Variants in TM9SF3 observed in about 807,000 individuals in gnomAD.
TM9SF3 encodes the protein transmembrane 9 superfamily member 3.
In TM9SF3, 14 loss-of-function variants were observed where a neutral mutation model predicts 78.6. The observed-to-expected ratio is 0.18, with a 90% confidence interval of 0.12 to 0.28. The LOEUF (loss-of-function observed/expected upper bound fraction) is 0.28, where lower values mean the gene tolerates loss of function less well. Among genes scored for constraint, TM9SF3 ranks in the 10% least tolerant of loss-of-function variants. The probability of loss-of-function intolerance (pLI) is 1.00; values close to 1 mark genes in which losing one functional copy is unlikely to be tolerated. For synonymous variants in TM9SF3, 231 were observed against 241.7 expected, an observed-to-expected ratio of 0.96 and a Z score of 0.41; for missense variants, 496 against 721.9, an observed-to-expected ratio of 0.69 and a Z score of 3.59.
chr10:96,534,695 C>T (rs1469373963), intron 9 of TM9SF3, among the ~76,000 whole-genome samples: 1 of 152,158 alleles, frequency 6.6e-6, no homozygotes, highest in Non-Finnish European at 1.5e-5. Context: ...TACTGAAGAG[C>T]TTCTGGGATT....
Position 96,544,070 on chromosome 10 carries a change from A to AC in TM9SF3, c.1185+5dup. 5.6e-6 allele frequency: 9 copies of AC among 1,602,662 alleles called. No individual in the cohort carries two copies. Among genetic ancestry groups the AC allele is most frequent in the Non-Finnish European group, 7.6e-6 (9 of 1,176,590 alleles). On this transcript the variant is annotated splice_donor_region_variant and intron_variant, in intron 9 of 14. Transcript: ENST00000371142. ...TCAGTTTAAAAGTAAGATTCAAGCA[A>AC]CTCACCATTGTTCCAAAAGGAATGG...
intron 9 of TM9SF3, among the ~76,000 whole-genome samples, chr10:96,538,118 T>C (rs1429129431): frequency 2.0e-5 from 3 of 152,176 alleles, no homozygotes; most frequent in Admixed American, 6.5e-5. Context: ...TCAGGACTTA[T>C]AAAGCTATAG....
chr10:96,544,278 A>G (rs1263647926), intron 8 of TM9SF3, 72 bp from the exon 9 acceptor site: 16 of 1,305,164 alleles, frequency 1.2e-5, no homozygotes. Flanking sequence ...AAATTTTAAT[A>G]TAAAGATCAT....
In TM9SF3 at chr10:96,547,994, A is replaced by G; in HGVS notation, c.960-5T>C. The G allele has an allele frequency of 6.3e-7, 1 of 1,578,812 alleles. No individual in the cohort carries two copies. The highest frequency in any genetic ancestry group is 1.2e-5 in the South Asian group (1 of 83,726). ...GTACTGAGCATTGATCCCCTCCTAAAAAGGCAAAAAAGAAAAAAAAAATTA... is the reference window on the plus strand; with the variant it reads ...GTACTGAGCATTGATCCCCTCCTAAGAAGGCAAAAAAGAAAAAAAAAATTA... On this transcript the variant is annotated splice_region_variant and splice_polypyrimidine_tract_variant and intron_variant, in intron 7 of 14. Coordinates refer to ENST00000371142, the MANE Select transcript of TM9SF3 (RefSeq NM_020123.4).
chr10:96,559,600 A>G, intron 5 of TM9SF3, 59 bp downstream of exon 5: 1 of 1,220,988 alleles, frequency 8.2e-7, no homozygotes. Context: ...CAGATACTCA[A>G]TGTTTGTTGA....
At chr10:96,540,764 CCTTT>C (rs1848017778) in intron 9 of TM9SF3, among the ~76,000 whole-genome samples, 2 of 125,138 alleles carry the variant, frequency 1.6e-5, no homozygotes, top group African/African-American at 3.1e-5. Flanking sequence ...TTTTATATTA[CCTTT>C]CTTTTTTTTT....
chr10:96,543,216 T>C (rs1421387023), intron 9 of TM9SF3, among the ~76,000 whole-genome samples: 1 of 152,234 alleles, frequency 6.6e-6, no homozygotes, highest in Non-Finnish European at 1.5e-5. Context: ...ACTCATTTTA[T>C]GTGTTCTAGT....
chr10:96,530,551 G>T lies in TM9SF3; in HGVS notation c.1383C>A (p.Ile461=), dbSNP rs1408286988. Reference sequence around the variant, plus strand: ...TTATCAAAACTTACATTTCAATAAAGATTGAACCAAAAGGTAAAATTCCAC... The same window carrying T: ...TTATCAAAACTTACATTTCAATAAATATTGAACCAAAAGGTAAAATTCCAC... ...CLGGILPFGS[I]FIEMYFIFTS... is the part of the protein sequence containing the mutation. Residue 461 remains isoleucine (I), a synonymous_variant, in exon 11 of 15, where the codon ATC becomes ATA. Coordinates refer to ENST00000371142, the MANE Select transcript of TM9SF3 (RefSeq NM_020123.4). The T allele has an allele frequency of 6.2e-7, 1 of 1,610,798 alleles. No individual in the cohort carries two copies. The highest frequency in any genetic ancestry group is 8.5e-7 in the Non-Finnish European group (1 of 1,178,254).
intron 7 of TM9SF3, among the ~76,000 whole-genome samples, chr10:96,550,934 G>GA (rs1453749126): frequency 1.3e-5 from 2 of 150,810 alleles, no homozygotes; most frequent in African/African-American, 4.9e-5. Context: ...TCAACTTTAG[G>GA]AAAAAAAAGG....
chr10:96,562,257 C>A, intron 3 of TM9SF3, 119 bp from the exon 4 acceptor site: 2 of 760,154 alleles, frequency 2.6e-6, no homozygotes, highest in South Asian at 1.8e-5. Flanking sequence ...TCTCTCCCTC[C>A]CTGGCCACTC....
chr10:96,583,500 C>T (rs1161534689), intron 1 of TM9SF3, among the ~76,000 whole-genome samples: 1 of 152,180 alleles, frequency 6.6e-6, no homozygotes, highest in Non-Finnish European at 1.5e-5. Context: ...CCACTCAATA[C>T]CTAGTGCTTT....
chr10:96,530,498 T>A, intron 11 of TM9SF3, 42 bp downstream of exon 11: 1 of 1,523,316 alleles, frequency 6.6e-7, no homozygotes, highest in South Asian at 1.2e-5. Flanking sequence ...TGTCTTACTA[T>A]AATCAAATCC....
chr10:96,584,683 C>T (rs915948374), intron 1 of TM9SF3, among the ~76,000 whole-genome samples: 4 of 152,122 alleles, frequency 2.6e-5, no homozygotes, highest in African/African-American at 9.7e-5. Context: ...AGTGTGGTGG[C>T]GCACACCTGT....
intron 6 of TM9SF3, among the ~76,000 whole-genome samples, 161 bp downstream of exon 6, chr10:96,552,767 T>TA: frequency 6.6e-6 from 1 of 152,320 alleles, no homozygotes; most frequent in South Asian, 2.1e-4. Flanking sequence ...AGGGCATGGT[T>TA]ACAGACCACA....
chr10:96,576,751 A>G lies in TM9SF3; in HGVS notation c.181T>C (p.Phe61Leu). The change falls in exon 2 of 15, where the codon TTT (phenylalanine) becomes CTT (leucine). Residue 61 changes from phenylalanine (F) to leucine (L), a missense_variant. By Grantham distance (22) the Phe-to-Leu change is conservative (BLOSUM62 0). Transcript: ENST00000371142. The stretch of plus-strand genomic sequence containing the variant: ...GACCCCACACAGAATGGAAGTGAAA[A>G]GTACTTATATGTTTCTTGACGATTA... ...YHNRQETYKY[F>L]SLPFCVGSKK... 1 of 1,610,354 alleles carries G rather than the reference A, an allele frequency of 6.2e-7. No individual in the cohort carries two copies. Among genetic ancestry groups the G allele is most frequent in the East Asian group, 2.2e-5 (1 of 44,566 alleles).
chr10:96,553,171 A>C, intron 5 of TM9SF3, 112 bp from the exon 6 acceptor site: 2 of 1,191,460 alleles, frequency 1.7e-6, no homozygotes, highest in South Asian at 2.1e-5. Context: ...GTCTTTAATT[A>C]AATCCTTTAG....
At chr10:96,560,322 G>A (rs1180756306) in intron 4 of TM9SF3, 19 of 743,574 alleles carry the variant, frequency 2.6e-5, no homozygotes, top group African/African-American at 1.0e-4. Flanking sequence ...CTTTAAGAAC[G>A]GTCAGTTTAG....
chr10:96,584,138 C>A (rs987144216), intron 1 of TM9SF3, among the ~76,000 whole-genome samples: 1 of 152,128 alleles, frequency 6.6e-6, no homozygotes, highest in African/African-American at 2.4e-5. Flanking sequence ...GGCAATTAAC[C>A]TAAAAGGCCA....
At chr10:96,528,247 C>G in intron 11 of TM9SF3, 70 bp from the exon 12 acceptor site, 1 of 1,419,484 alleles carries the variant, frequency 7.0e-7, no homozygotes, top group East Asian at 2.5e-5. Context: ...CTTCGTGAGT[C>G]TCACATTTTA....
Sources: allele counts gnomAD v4.1 joint callset (sites outside exome capture counted in the v4.1 genomes callset), GRCh38; gene constraint gnomAD v4.1.1; transcripts MANE v1.5; gene names NCBI Gene and HGNC (gene_info 2026-07-23, HGNC 2026-07-21).